BEGAIN: variants seen among roughly 807,000 people sequenced by gnomAD.
BEGAIN encodes brain-enriched guanylate kinase-associated protein.
A neutral mutation model predicts 35.8 loss-of-function variants in BEGAIN; 19 were observed. The observed-to-expected ratio is 0.53, with a 90% CI of 0.37 to 0.78. The LOEUF (loss-of-function observed/expected upper bound fraction) is 0.78. BEGAIN is among the 30% of genes least tolerant of loss of function. BEGAIN has a pLI of 0.00. For synonymous variants in BEGAIN, 462 were observed against 388.6 expected (o/e 1.19, Z -2.22); for missense variants, 795 against 853.6 (o/e 0.93, Z 0.85).
At chr14:100,552,032 A>G (rs1406828368) in intron 2 of BEGAIN, among the ~76,000 whole-genome samples, 1 of 152,198 alleles carries the variant, frequency 6.6e-6, no homozygotes, top group Non-Finnish European at 1.5e-5. Context: ...AACTGCCCTC[A>G]TGGCCCGACC....
At chr14:100,553,496 C>T (rs780064678) in intron 2 of BEGAIN, among the ~76,000 whole-genome samples, 9 of 152,272 alleles carry the variant, frequency 5.9e-5, no homozygotes, top group Middle Eastern at 3.4e-3. Flanking sequence ...TGCCTCTTCT[C>T]GCCCCTGCTA....
At chr14:100,562,238 G>A (rs897802148) in intron 2 of BEGAIN, among the ~76,000 whole-genome samples, 19 of 152,122 alleles carry the variant, frequency 1.2e-4, no homozygotes, top group African/African-American at 2.7e-4. Flanking sequence ...GGTGGGTGCC[G>A]CCAGGTGGCC....
At chr14:100,577,994 G>A (rs1319027175) in intron 1 of BEGAIN, 7 of 399,068 alleles carry the variant, frequency 1.8e-5, no homozygotes, top group Admixed American at 1.3e-4. Flanking sequence ...CAAGAGCGCC[G>A]TCACCCACTC....
chr14:100,565,761 A>T (rs1324148597), intron 2 of BEGAIN, among the ~76,000 whole-genome samples: 1 of 152,148 alleles, frequency 6.6e-6, no homozygotes, highest in African/African-American at 2.4e-5. Flanking sequence ...CCCAGGAGAG[A>T]TGCTTCCACC....
chr14:100,541,788 C>G (rs894292447), intron 5 of BEGAIN, among the ~76,000 whole-genome samples: 10 of 152,220 alleles, frequency 6.6e-5, no homozygotes, highest in Non-Finnish European at 1.5e-4. Flanking sequence ...CTGTCCATGT[C>G]TGAGGTGGCC....
chr14:100,580,599 C>T (rs1033232558), intron 1 of BEGAIN, among the ~76,000 whole-genome samples: 1 of 152,148 alleles, frequency 6.6e-6, no homozygotes, highest in African/African-American at 2.4e-5. Flanking sequence ...TTCAGGGTCC[C>T]AGTTTCACAG....
chr14:100,540,268 G>T, intron 6 of BEGAIN: 1 of 559,456 alleles, frequency 1.8e-6, no homozygotes, highest in Non-Finnish European at 3.2e-6. Context: ...GCCGGGGTGG[G>T]CCAAAGGGAC....
chr14:100,582,334 G>A (rs1242305800), intron 1 of BEGAIN, among the ~76,000 whole-genome samples: 1 of 152,142 alleles, frequency 6.6e-6, no homozygotes, highest in Non-Finnish European at 1.5e-5. Flanking sequence ...TAGTAGAGAT[G>A]GGGTTTCTCC....
chr14:100,554,634 TCACTCCCCACCAGCC>T (rs779371561), intron 2 of BEGAIN, among the ~76,000 whole-genome samples: 187 of 150,618 alleles, frequency 1.2e-3, no homozygotes, highest in Non-Finnish European at 2.4e-3. Context: ...TTGCTGCCCC[TCACTCCCCACCAGCC>T]CACTCCCCAC....
chr14:100,567,878 C>T lies in BEGAIN; in HGVS notation c.71+33G>A, dbSNP rs775702994. 73 of 1,465,318 alleles carry T rather than the reference C, an allele frequency of 5.0e-5. 1 individual carries two copies. The highest frequency in any genetic ancestry group is 3.3e-4 in the African/African-American group (22 of 67,214). 90.8% of individuals were successfully genotyped at this position (1,465,318 alleles called of 1,614,324 possible). ...GCGCCCTCACCCCCGACCCGGCCCC[C>T]GCGAGCCGCGGCACGGGAGACGCTC... On this transcript the variant is annotated intron_variant, in intron 2 of 6. Transcript: ENST00000554140. This position sits in a 1 kb window ranked among gnomAD's most constrained non-coding sequence, Gnocchi z 5.1.
Position 100,538,374 on chromosome 14 carries a change from C to T in BEGAIN, c.1434G>A (p.Lys478=), listed in dbSNP as rs1226773955. 2.0e-6 allele frequency: 3 copies of T among 1,516,238 alleles called. No individual in the cohort carries two copies. In the Admixed American group the frequency reaches 6.6e-5, roughly 33 times the overall value. The allele number at this position is 1,516,238 out of a possible 1,614,324, so 93.9% of individuals were successfully genotyped here. A position where few individuals can be genotyped will look rare whatever the true frequency, so the allele number is the denominator to read the frequency against. ...YGGAGGSPGK[K]ADGRASPLYA... ...AGAGCGGGCTGGCGCGGCCGTCGGC[C>T]TTCTTGCCCGGGCTGCCCCCGGCCC... The change falls in exon 7 of 7, where the codon AAG becomes AAA. Residue 478 remains lysine, a synonymous_variant. Transcript: ENST00000554140.
chr14:100,582,037 T>C (rs888961801), intron 1 of BEGAIN, among the ~76,000 whole-genome samples: 1 of 152,236 alleles, frequency 6.6e-6, no homozygotes, highest in African/African-American at 2.4e-5. Context: ...TAAACCCCCA[T>C]GGTGCGGGCA....
Sources: allele counts gnomAD v4.1 joint callset (sites outside exome capture counted in the v4.1 genomes callset), GRCh38; gene constraint gnomAD v4.1.1; non-coding constraint Gnocchi (gnomAD v3.1); transcripts MANE v1.5; gene names NCBI Gene and HGNC (gene_info 2026-07-23, HGNC 2026-07-21).